The following TMEM132C variants were observed in gnomAD, a reference collection of about 807,000 sequenced individuals.
TMEM132C encodes the protein transmembrane protein 132C, also known as protein phosphatase 1, regulatory subunit 152.
TMEM132C carries 29 observed loss-of-function variants against 61.4 expected under a neutral mutation model. That is an observed-to-expected ratio of 0.47 (90% CI 0.35 to 0.64). The LOEUF is 0.64. Among genes scored for constraint, TMEM132C ranks in the 30% least tolerant of loss-of-function variants. The pLI is 0.00. For missense variants in TMEM132C, 1,408 were observed against 1,476.9 expected (o/e 0.95, Z 0.76); for synonymous variants, 656 against 633.1 (o/e 1.04, Z -0.54).
intron 7 of TMEM132C, among the ~76,000 whole-genome samples, chr12:128,696,733 G>A (rs1466643): frequency 0.27 from 41,053 of 152,098 alleles, 5,860 homozygotes; most frequent in East Asian, 0.42. Flanking sequence ...GCACATTCCC[G>A]TCATTTCCCC....
chr12:128,386,102 T>C (rs768403754), intron 1 of TMEM132C, among the ~76,000 whole-genome samples: 28 of 152,242 alleles, frequency 1.8e-4, no homozygotes, highest in Non-Finnish European at 3.5e-4. Flanking sequence ...CTGTGTGTTA[T>C]TCGGAATTTT....
At position 128,415,882 on chromosome 12, in the gene TMEM132C, C is replaced by G. The variant is rs1309428172; in HGVS notation, c.974+262C>G. On this transcript the variant is annotated intron_variant, in intron 2 of 8. Transcript: ENST00000435159. The surrounding 1 kb of genome is among the most constrained non-coding windows in gnomAD (Gnocchi z 5.8). ...AGCAAGATGAGAGTAATCCGCCTCT[C>G]TAGACCTTCAGTTATCCTCACACTT... 1.3e-5 allele frequency among the ~76,000 whole-genome samples: 2 copies of G among 152,138 alleles called. No individual in the cohort carries two copies. The highest frequency in any genetic ancestry group is 2.9e-5 in the Non-Finnish European group (2 of 68,026).
intron 2 of TMEM132C, among the ~76,000 whole-genome samples, chr12:128,439,585 T>A (rs1869714491): frequency 6.6e-6 from 1 of 152,228 alleles, no homozygotes; most frequent in African/African-American, 2.4e-5. Context: ...TCTTAGGAAC[T>A]TCCAGAAAAT....
At chr12:128,399,333 A>G (rs1287848773) in intron 1 of TMEM132C, among the ~76,000 whole-genome samples, 1 of 152,232 alleles carries the variant, frequency 6.6e-6, no homozygotes. Context: ...GAATTGAGAT[A>G]ATTGGGACTC....
chr12:128,338,567 C>T (rs1872854805), intron 1 of TMEM132C, among the ~76,000 whole-genome samples: 3 of 151,970 alleles, frequency 2.0e-5, no homozygotes, highest in Admixed American at 2.0e-4. Flanking sequence ...TGAGCACATG[C>T]TGGGTGCTCC....
At chr12:128,534,317 A>G (rs756026977) in intron 2 of TMEM132C, among the ~76,000 whole-genome samples, 5 of 152,190 alleles carry the variant, frequency 3.3e-5, no homozygotes, top group Non-Finnish European at 7.3e-5. Context: ...GGGACCAGAG[A>G]TGCCACCAAG....
chr12:128,379,961 G>A (rs375350410), intron 1 of TMEM132C, among the ~76,000 whole-genome samples: 1 of 152,356 alleles, frequency 6.6e-6, no homozygotes, highest in African/African-American at 2.4e-5. Context: ...TGGAGATAGA[G>A]ACACTAGCCG....
chr12:128,497,253 C>T (rs1871997409), intron 2 of TMEM132C, among the ~76,000 whole-genome samples: 1 of 152,240 alleles, frequency 6.6e-6, no homozygotes, highest in African/African-American at 2.4e-5. Flanking sequence ...CTGGGCGGTG[C>T]CTCCCAGTTA....
intron 2 of TMEM132C, among the ~76,000 whole-genome samples, chr12:128,508,532 C>G (rs1872458920): frequency 6.6e-6 from 1 of 152,216 alleles, no homozygotes; most frequent in Non-Finnish European, 1.5e-5. Flanking sequence ...GGGTTTGCCT[C>G]CTGTCCCCAG....
chr12:128,555,135 G>C (rs899642563), intron 3 of TMEM132C, among the ~76,000 whole-genome samples: 4 of 152,116 alleles, frequency 2.6e-5, no homozygotes, highest in Non-Finnish European at 4.4e-5. Flanking sequence ...AAACGAGAAG[G>C]CTCTTTCCAA....
chr12:128,699,636 T>C (rs1187758002), intron 8 of TMEM132C, among the ~76,000 whole-genome samples: 1 of 152,188 alleles, frequency 6.6e-6, no homozygotes, highest in Non-Finnish European at 1.5e-5. Flanking sequence ...CGCTCAGCTT[T>C]TAAGGACTCA....
chr12:128,434,011 C>T (rs1414082958), intron 2 of TMEM132C, among the ~76,000 whole-genome samples: 1 of 152,210 alleles, frequency 6.6e-6, no homozygotes, highest in Non-Finnish European at 1.5e-5. Context: ...ATGTATGTTC[C>T]TGGATAGCAA....
intron 1 of TMEM132C, among the ~76,000 whole-genome samples, chr12:128,340,805 T>TTCTC (rs1168089177): frequency 1.0e-4 from 15 of 150,434 alleles, no homozygotes; most frequent in African/African-American, 3.2e-4. Context: ...CTCTCTTTCT[T>TTCTC]TCTTTCTCTC....
chr12:128,403,042 C>T (rs1037203884), intron 1 of TMEM132C, among the ~76,000 whole-genome samples: 4 of 152,124 alleles, frequency 2.6e-5, no homozygotes, highest in Admixed American at 1.3e-4. Context: ...TTGACGGTTA[C>T]GAAATTGCAA....
chr12:128,276,443 G>GTT (rs1324378768), intron 1 of TMEM132C, among the ~76,000 whole-genome samples: 2 of 152,260 alleles, frequency 1.3e-5, no homozygotes, highest in Non-Finnish European at 2.9e-5. Flanking sequence ...AGAGCCAAAG[G>GTT]TTTATATTCT....
chr12:128,332,839 G>A (rs571887255), intron 1 of TMEM132C, among the ~76,000 whole-genome samples: 2 of 139,334 alleles, frequency 1.4e-5, no homozygotes, highest in East Asian at 3.9e-4. Flanking sequence ...TCAAGGAGTT[G>A]CAGTGGCTCT....
At chr12:128,369,538 G>A (rs1373436079) in intron 1 of TMEM132C, among the ~76,000 whole-genome samples, 1 of 152,202 alleles carries the variant, frequency 6.6e-6, no homozygotes, top group African/African-American at 2.4e-5. Flanking sequence ...CTTAACTAGG[G>A]CTGTTTAACT....
chr12:128,298,631 T>C (rs1345406017), intron 1 of TMEM132C, among the ~76,000 whole-genome samples: 1 of 152,178 alleles, frequency 6.6e-6, no homozygotes, highest in Non-Finnish European at 1.5e-5. Flanking sequence ...CTGAAGACAC[T>C]AAACTGTGCC....
intron 3 of TMEM132C, among the ~76,000 whole-genome samples, chr12:128,563,480 G>C (rs1213871240): frequency 6.6e-6 from 1 of 152,158 alleles, no homozygotes; most frequent in Non-Finnish European, 1.5e-5. Context: ...TAATATTTAA[G>C]GCGACCATTG....
Sources: allele counts gnomAD v4.1 joint callset (sites outside exome capture counted in the v4.1 genomes callset), GRCh38; gene constraint gnomAD v4.1.1; non-coding constraint Gnocchi (gnomAD v3.1); transcripts MANE v1.5; gene names NCBI Gene and HGNC (gene_info 2026-07-23, HGNC 2026-07-21).